Variants in ZNF597 observed in about 807,000 individuals in gnomAD.
ZNF597 encodes the protein zinc finger protein 597.
Under a neutral mutation model 7.3 loss-of-function variants are expected in ZNF597, and 5 were observed. The ratio of observed to expected loss-of-function variants is 0.68; its 90% CI spans 0.36 to 1.44. The LOEUF is 1.44. ZNF597 is among the 40% of genes most tolerant of loss of function. The pLI is 0.04. For synonymous variants in ZNF597, 209 were observed against 185.4 expected (o/e 1.13, Z -1.04); for missense variants, 585 against 517.9 (o/e 1.13, Z -1.26).
intron 3 of ZNF597, among the ~76,000 whole-genome samples, chr16:3,438,168 A>G (rs2034324557): frequency 6.7e-6 from 1 of 150,220 alleles, no homozygotes; most frequent in South Asian, 2.1e-4. Flanking sequence ...GGAGTTTGAG[A>G]TGTGCCATTG....
At chr16:3,441,018 C>T in intron 2 of ZNF597, 85 bp from the exon 3 acceptor site, 2 of 1,532,592 alleles carry the variant, frequency 1.3e-6, no homozygotes, top group South Asian at 2.5e-5. Context: ...GAGCTAGAAA[C>T]ATCAGATGCA....
chr16:3,440,745 G>A, intron 3 of ZNF597, 62 bp downstream of exon 3: 1 of 1,598,050 alleles, frequency 6.3e-7, no homozygotes, highest in South Asian at 1.1e-5. Flanking sequence ...TCTGGATAAA[G>A]CATGAAGTTC....
intron 2 of ZNF597, among the ~76,000 whole-genome samples, 191 bp from the exon 3 acceptor site, chr16:3,441,124 C>T (rs1399697596): frequency 1.3e-5 from 2 of 152,196 alleles, no homozygotes; most frequent in African/African-American, 2.4e-5. Context: ...AGAGAGTAAA[C>T]ATGGACATAC....
At position 3,435,255 on chromosome 16, in the gene ZNF597, G is replaced by C. The variant is rs931677663; in HGVS notation, c.*1169C>G. On this transcript the variant is annotated 3_prime_UTR_variant, in exon 4 of 4. Coordinates refer to ENST00000301744, the MANE Select transcript of ZNF597 (RefSeq NM_152457.3). Reference sequence around the variant, plus strand: ...GTCCTGGAGAGTCTTCTGCTGCTTTGTAACTGTATATGTTAGTCAGGCTTT... The same window carrying C: ...GTCCTGGAGAGTCTTCTGCTGCTTTCTAACTGTATATGTTAGTCAGGCTTT... The C allele has an allele frequency of 2.0e-5, 3 of 152,172 alleles. No individual in the cohort carries two copies. Among genetic ancestry groups the C allele is most frequent in the Admixed American group, 6.5e-5 (1 of 15,278 alleles). The allele number at this position is 152,172 out of a possible 1,614,324, so 9.4% of individuals were successfully genotyped here.
rs2034268034 is a variant in ZNF597, at chr16:3,432,790, A to G, written c.*3634T>C. 6.6e-6 allele frequency: 1 copy of G among 152,238 alleles called. No homozygotes were observed. Among genetic ancestry groups the G allele is most frequent in the Admixed American group, 6.5e-5 (1 of 15,286 alleles). The allele number at this position is 152,238 out of a possible 1,614,324, so 9.4% of individuals were successfully genotyped here. A position where few individuals can be genotyped will look rare whatever the true frequency, so the allele number is the denominator to read the frequency against. On this transcript the variant is annotated 3_prime_UTR_variant, in exon 4 of 4. Transcript: ENST00000301744. The stretch of plus-strand genomic sequence containing the variant: ...TAGCTCTTCTAAATTACAAAACTAA[A>G]CCAGATGAATACATACACTTCTAAT...
intron 3 of ZNF597, among the ~76,000 whole-genome samples, chr16:3,438,435 C>T (rs1018024404): frequency 7.3e-5 from 11 of 151,678 alleles, no homozygotes; most frequent in South Asian, 4.2e-4. Context: ...TGGTGGCCTG[C>T]GCCTGTCGTC....
At chr16:3,439,817 G>A (rs1476371296) in intron 3 of ZNF597, among the ~76,000 whole-genome samples, 1 of 151,914 alleles carries the variant, frequency 6.6e-6, no homozygotes, top group Admixed American at 6.6e-5. Context: ...CCCATAACTA[G>A]AAGACAAATC....
At chr16:3,439,229 CA>C (rs1039175151) in intron 3 of ZNF597, among the ~76,000 whole-genome samples, 14 of 151,258 alleles carry the variant, frequency 9.3e-5, no homozygotes, top group Admixed American at 7.2e-4. Flanking sequence ...AAAAAAACAA[CA>C]AAAAAAGACA....
intron 3 of ZNF597, among the ~76,000 whole-genome samples, chr16:3,440,554 A>G (rs2034355884): frequency 6.6e-6 from 1 of 152,180 alleles, no homozygotes; most frequent in Admixed American, 6.5e-5. Flanking sequence ...GAATGGCGTG[A>G]ACCTGGGAGG....
At position 3,436,427 on chromosome 16, in the gene ZNF597, C is replaced by T. The variant is rs188557350; in HGVS notation, c.1272G>A (p.Thr424=). The T allele has an allele frequency of 3.0e-5, 48 of 1,611,454 alleles. No individual in the cohort carries two copies. In the East Asian group the frequency reaches 9.8e-4, roughly 33 times the overall value. ...THKRTHIKNT[T] is the part of the protein sequence containing the mutation. The stretch of plus-strand genomic sequence containing the variant: ...ATAACAATTTGTTATATTTACTTTA[C>T]GTGGTGTTTTTTATGTGAGTTCGCT... The change falls in exon 4 of 4, where the codon ACG becomes ACA. Residue 424 remains threonine, a synonymous_variant. Transcript: ENST00000301744.
intron 2 of ZNF597, 137 bp from the exon 3 acceptor site, chr16:3,441,070 G>T: frequency 8.2e-7 from 1 of 1,221,988 alleles, no homozygotes. Flanking sequence ...GAGCGCAGAA[G>T]TAGGGCAAAT....
At position 3,435,623 on chromosome 16, in the gene ZNF597, G is replaced by C. The variant is rs1023928018; in HGVS notation, c.*801C>G. The C allele has an allele frequency of 6.6e-6, 1 of 152,120 alleles. No individual in the cohort carries two copies. The highest frequency in any genetic ancestry group is 1.5e-5 in the Non-Finnish European group (1 of 68,032). 9.4% of individuals were successfully genotyped at this position (152,120 alleles called of 1,614,324 possible). On this transcript the variant is annotated 3_prime_UTR_variant, in exon 4 of 4. Coordinates refer to ENST00000301744, the MANE Select transcript of ZNF597 (RefSeq NM_152457.3). ...TTACATAATATATCTAAAGTAGCTA[G>C]CATGCTCACTGAGAAACAATTACAA... is the stretch of plus-strand genomic sequence containing the variant.
Position 3,437,357 on chromosome 16 carries a change from T to G in ZNF597, c.342A>C (p.Arg114Ser). 1.9e-6 allele frequency: 3 copies of G among 1,614,138 alleles called. No individual in the cohort carries two copies. Among genetic ancestry groups the G allele is most frequent in the Non-Finnish European group, 2.5e-6 (3 of 1,180,030 alleles). The change falls in exon 4 of 4, where the codon AGA becomes AGC. Residue 114 changes from arginine to serine, a missense_variant. Physicochemically the swap from Arg to Ser is moderately radical, Grantham distance 110 (BLOSUM62 -1). Transcript: ENST00000301744. ...KILSGTPTYK[R>S]RVISLLVTIE... ...TGGTAACTAAAAGGCTGATGACCCT[T>G]CTCTTGTAAGTGGGAGTTCCACTTA...
chr16:3,441,032 GA>G, intron 2 of ZNF597, 99 bp from the exon 3 acceptor site: 1 of 1,468,492 alleles, frequency 6.8e-7, no homozygotes, highest in South Asian at 1.3e-5. Context: ...AGATGCACGG[GA>G]TAAAAGGCTC....
intron 2 of ZNF597, among the ~76,000 whole-genome samples, chr16:3,442,835 G>C (rs1415605206): frequency 6.6e-6 from 1 of 152,094 alleles, no homozygotes; most frequent in Non-Finnish European, 1.5e-5. Flanking sequence ...CAGCGACAAG[G>C]CCAGACCCTA....
At chr16:3,443,339 C>T (rs2034424592) in intron 1 of ZNF597, 21 bp downstream of exon 1, 9 of 613,232 alleles carry the variant, frequency 1.5e-5, no homozygotes, top group Non-Finnish European at 2.5e-5. Context: ...CTTGGCCCGG[C>T]CTCGAAAGGG....
At chr16:3,440,712 G>A in intron 3 of ZNF597, 95 bp downstream of exon 3, 1 of 1,471,008 alleles carries the variant, frequency 6.8e-7, no homozygotes, top group Non-Finnish European at 9.2e-7. Flanking sequence ...CTGAGGGACA[G>A]GTCCCACTCC....
At position 3,443,407 on chromosome 16, in the gene ZNF597, G is replaced by A. The variant is rs2034425910; in HGVS notation, c.-101C>T. On this transcript the variant is annotated 5_prime_UTR_variant, in exon 1 of 4. Coordinates refer to ENST00000301744, the MANE Select transcript of ZNF597 (RefSeq NM_152457.3). Reference sequence around the variant, plus strand: ...CTCGCGCTCCCTGACAGGAGCTGCAGAAAGCGACGCCCGACCGAGACGCGA... The same window carrying A: ...CTCGCGCTCCCTGACAGGAGCTGCAAAAAGCGACGCCCGACCGAGACGCGA... 1.9e-6 allele frequency: 1 copy of A among 534,456 alleles called. No individual in the cohort carries two copies. Among genetic ancestry groups the A allele is most frequent in the Non-Finnish European group, 3.3e-6 (1 of 306,676 alleles). The allele number at this position is 534,456 out of a possible 1,614,324, so 33.1% of individuals were successfully genotyped here.
chr16:3,441,381 C>G (rs749061826), intron 2 of ZNF597, among the ~76,000 whole-genome samples: 9 of 152,090 alleles, frequency 5.9e-5, no homozygotes, highest in African/African-American at 9.7e-5. Context: ...GAAACCCTGT[C>G]TCTACTAAAA....
Sources: gnomAD v4.1 joint callset for allele counts (sites outside exome capture counted in the v4.1 genomes callset) on GRCh38, gnomAD v4.1.1 for gene constraint, MANE v1.5 for transcripts, NCBI Gene and HGNC (gene_info 2026-07-23, HGNC 2026-07-21) for gene names.